The following DOCK3 variants were observed in gnomAD, a reference collection of about 807,000 sequenced individuals.
DOCK3 encodes dedicator of cytokinesis protein 3.
A neutral mutation model predicts 265.6 loss-of-function variants in DOCK3; 60 were observed. The observed-to-expected ratio is 0.23, with a 90% CI of 0.18 to 0.28. The LOEUF (loss-of-function observed/expected upper bound fraction) is 0.28, where lower values mean the gene tolerates loss of function less well. Among genes scored for constraint, DOCK3 ranks in the 10% least tolerant of loss-of-function variants. The probability of loss-of-function intolerance (pLI) is 1.00; values close to 1 mark genes in which losing one functional copy is unlikely to be tolerated. For missense variants in DOCK3, 1,981 were observed against 2,594.3 expected, an observed-to-expected ratio of 0.76 and a Z score of 5.14; for synonymous variants, 881 against 938.0, an observed-to-expected ratio of 0.94 and a Z score of 1.11.
intron 2 of DOCK3, among the ~76,000 whole-genome samples, chr3:50,782,371 A>C (rs2675808): frequency 0.097 from 13,617 of 139,670 alleles, 780 homozygotes; most frequent in Admixed American, 0.12. Flanking sequence ...GCTCACTGCA[A>C]GCTCCGCCTC....
At chr3:51,226,343 G>A (rs997248265) in intron 15 of DOCK3, among the ~76,000 whole-genome samples, 1 of 152,144 alleles carries the variant, frequency 6.6e-6, no homozygotes, top group African/African-American at 2.4e-5. Flanking sequence ...TCTAGTCATG[G>A]TAAAGTCTGC....
chr3:51,225,498 C>T (rs2090290012), intron 14 of DOCK3, 151 bp from the exon 15 acceptor site: 2 of 1,243,490 alleles, frequency 1.6e-6, no homozygotes. Flanking sequence ...TGCACTGATA[C>T]TGGTAGAATG....
chr3:50,675,367 T>A lies in DOCK3; in HGVS notation c.37+67T>A. On this transcript the variant is annotated intron_variant, in intron 1 of 52. Transcript: ENST00000266037. The surrounding 1 kb of genome is among the most constrained non-coding windows in gnomAD (Gnocchi z 6.1). ...GACGCGCCCAGCTCCCGGCCCCGCCTGGATTCGCATCCTCGTGCCCCCGCC... is the reference window on the plus strand; with the variant it reads ...GACGCGCCCAGCTCCCGGCCCCGCCAGGATTCGCATCCTCGTGCCCCCGCC... 2 of 1,157,314 alleles carry A rather than the reference T, an allele frequency of 1.7e-6. No individual in the cohort carries two copies. The allele number at this position is 1,157,314 out of a possible 1,614,324, so 71.7% of individuals were successfully genotyped here.
intron 12 of DOCK3, among the ~76,000 whole-genome samples, chr3:51,178,167 GATAAAA>G (rs1360254516): frequency 5.9e-5 from 9 of 152,214 alleles, no homozygotes; most frequent in African/African-American, 1.2e-4. Flanking sequence ...CAATATTAAT[GATAAAA>G]ATAAAGTATA....
At chr3:50,779,837 A>G (rs1029642051) in intron 2 of DOCK3, among the ~76,000 whole-genome samples, 1 of 152,366 alleles carries the variant, frequency 6.6e-6, no homozygotes, top group Non-Finnish European at 1.5e-5. Flanking sequence ...GAGAAATTAC[A>G]CAAAATCAGA....
intron 1 of DOCK3, among the ~76,000 whole-genome samples, chr3:50,676,055 G>C (rs186332108): frequency 6.6e-6 from 1 of 152,200 alleles, no homozygotes; most frequent in East Asian, 1.9e-4. Context: ...TTAGTGTTTT[G>C]TGGCAATTAC....
intron 51 of DOCK3, among the ~76,000 whole-genome samples, chr3:51,379,201 C>T (rs1176749500): frequency 6.6e-6 from 1 of 152,252 alleles, no homozygotes; most frequent in Admixed American, 6.5e-5. Context: ...ATTCAGCTAT[C>T]TCATCCTGAA....
At chr3:50,777,334 G>A (rs1018821679) in intron 1 of DOCK3, among the ~76,000 whole-genome samples, 2 of 151,874 alleles carry the variant, frequency 1.3e-5, no homozygotes, top group South Asian at 2.1e-4. Context: ...GGTAACTATA[G>A]CCCTGTAGTA....
intron 21 of DOCK3, among the ~76,000 whole-genome samples, chr3:51,243,061 A>G (rs937343076): frequency 1.3e-5 from 2 of 152,194 alleles, no homozygotes; most frequent in Non-Finnish European, 2.9e-5. Flanking sequence ...AGGAGAGGCC[A>G]GCCAACCAAG....
intron 3 of DOCK3, among the ~76,000 whole-genome samples, chr3:50,871,084 A>G (rs1013365950): frequency 1.6e-4 from 24 of 152,028 alleles, no homozygotes; most frequent in Non-Finnish European, 3.2e-4. Flanking sequence ...TTTTCTGTAT[A>G]CTTAGTATTA....
chr3:50,715,401 A>G (rs1331687757), intron 1 of DOCK3, among the ~76,000 whole-genome samples: 1 of 151,956 alleles, frequency 6.6e-6, no homozygotes, highest in Non-Finnish European at 1.5e-5. Flanking sequence ...AAATACAAAA[A>G]TTAGCTAGGT....
intron 5 of DOCK3, among the ~76,000 whole-genome samples, chr3:51,057,621 T>C (rs935275647): frequency 6.6e-6 from 1 of 152,208 alleles, no homozygotes; most frequent in Non-Finnish European, 1.5e-5. Flanking sequence ...GGTGAATGTA[T>C]GCTCTGGTGC....
chr3:50,725,614 A>G (rs1392495066), intron 1 of DOCK3, among the ~76,000 whole-genome samples: 1 of 152,146 alleles, frequency 6.6e-6, no homozygotes, highest in Non-Finnish European at 1.5e-5. Context: ...ATTTTGATAC[A>G]AGGGTATTGT....
chr3:51,025,686 A>G (rs1331882565), intron 5 of DOCK3, among the ~76,000 whole-genome samples: 1 of 152,102 alleles, frequency 6.6e-6, no homozygotes, highest in Non-Finnish European at 1.5e-5. Context: ...TACCCTGTGA[A>G]TTCTCCCTCG....
At chr3:50,798,809 C>A (rs1259929827) in intron 2 of DOCK3, among the ~76,000 whole-genome samples, 9 of 151,920 alleles carry the variant, frequency 5.9e-5, no homozygotes, top group Non-Finnish European at 7.4e-5. Flanking sequence ...AGACCAATGT[C>A]CTGAAGCATT....
chr3:50,774,316 A>G (rs1009004575), intron 1 of DOCK3, among the ~76,000 whole-genome samples: 10 of 151,942 alleles, frequency 6.6e-5, no homozygotes, highest in African/African-American at 2.4e-4. Flanking sequence ...TAGGGAGAAT[A>G]TATATTTTTA....
chr3:51,265,635 C>CAATAA (rs1446713782), intron 23 of DOCK3, among the ~76,000 whole-genome samples: 1 of 152,098 alleles, frequency 6.6e-6, no homozygotes, highest in Non-Finnish European at 1.5e-5. Flanking sequence ...AAAAGGCCTT[C>CAATAA]AATAAAATTC....
At chr3:51,263,117 G>A (rs966709193) in intron 23 of DOCK3, among the ~76,000 whole-genome samples, 8 of 152,112 alleles carry the variant, frequency 5.3e-5, no homozygotes, top group African/African-American at 1.2e-4. Context: ...ACACATAATC[G>A]TCAGAATCAC....
chr3:51,215,477 T>G (rs184355149), intron 14 of DOCK3, among the ~76,000 whole-genome samples: 107 of 152,328 alleles, frequency 7.0e-4, no homozygotes, highest in African/African-American at 2.4e-3. Flanking sequence ...GCTTTTGTTG[T>G]AAAGGGCCAG....
Sources: gnomAD v4.1 joint callset for allele counts (sites outside exome capture counted in the v4.1 genomes callset) on GRCh38, gnomAD v4.1.1 for gene constraint, Gnocchi (gnomAD v3.1) non-coding constraint, MANE v1.5 for transcripts, NCBI Gene and HGNC (gene_info 2026-07-23, HGNC 2026-07-21) for gene names.